The following SNRNP200 variants were observed in gnomAD, a reference collection of about 807,000 sequenced individuals.
SNRNP200 encodes U5 small nuclear ribonucleoprotein 200 kDa helicase.
SNRNP200 carries 66 observed loss-of-function variants against 255.2 expected under a neutral mutation model. The ratio of observed to expected loss-of-function variants is 0.26; its 90% CI spans 0.21 to 0.32. SNRNP200 has a LOEUF of 0.32. Ranked by LOEUF, SNRNP200 falls within the 10% of genes least tolerant of loss-of-function variation. SNRNP200 has a pLI of 1.00. For synonymous variants in SNRNP200, 939 were observed against 1,027.8 expected (o/e 0.91, Z 1.65); for missense variants, 1,585 against 2,749.8 (o/e 0.58, Z 9.47).
At position 96,291,547 on chromosome 2, in the gene SNRNP200, C is replaced by G; in HGVS notation, c.2311-45G>C. 7.3e-7 allele frequency: 1 copy of G among 1,366,278 alleles called. No homozygotes were observed. Among genetic ancestry groups the G allele is most frequent in the Non-Finnish European group, 1.0e-6 (1 of 954,614 alleles). The allele number at this position is 1,366,278 out of a possible 1,614,324, so 84.6% of individuals were successfully genotyped here. A position where few individuals can be genotyped will look rare whatever the true frequency, so the allele number is the denominator to read the frequency against. On this transcript the variant is annotated intron_variant, in intron 17 of 44. Transcript: ENST00000323853. The surrounding 1 kb of genome is among the most constrained non-coding windows in gnomAD (Gnocchi z 4.2). Reference sequence around the variant, plus strand: ...GGATGAGGCGAGCCTTCCTGTAGGACTCATCCAAGGACTAAGGAAATCTCC... The same window carrying G: ...GGATGAGGCGAGCCTTCCTGTAGGAGTCATCCAAGGACTAAGGAAATCTCC...
chr2:96,302,634 C>T (rs910459991), intron 3 of SNRNP200, among the ~76,000 whole-genome samples: 7 of 152,220 alleles, frequency 4.6e-5, no homozygotes, highest in African/African-American at 1.7e-4. Context: ...CTCAGTCGCA[C>T]AAGCCTGCCT....
Position 96,289,822 on chromosome 2 carries a change from C to T in SNRNP200, c.2917G>A (p.Asp973Asn), listed in dbSNP as rs749700142. 6.2e-7 allele frequency: 1 copy of T among 1,614,180 alleles called. No homozygotes were observed. Among genetic ancestry groups the T allele is most frequent in the Admixed American group, 1.7e-5 (1 of 60,032 alleles). The change falls in exon 21 of 45, where the codon GAC becomes AAC. Residue 973 changes from aspartate (D) to asparagine (N), a missense_variant. This residue lies in a region of SNRNP200 where 719 missense variants were observed against 1,091.1 expected (regional missense o/e 0.66). Transcript: ENST00000323853. ...MLDKNNLVKY[D>N]KKTGNFQVTE... ...ACCTGGAAGTTGCCCGTCTTCTTGT[C>T]GTACTTGACCAGATTGTTCTTGTCC...
Position 96,285,265 on chromosome 2 carries a change from G to A in SNRNP200, c.4079C>T (p.Ala1360Val). Residue 1360 changes from alanine to valine, a missense_variant, in exon 30 of 45, where the codon GCA becomes GTA. Physicochemically the swap from Ala to Val is moderately conservative, Grantham distance 64. Coordinates refer to ENST00000323853, the MANE Select transcript of SNRNP200 (RefSeq NM_014014.5). ...APTGSGKTIC[A>V]EFAILRMLLQ... ...CAGCATTCGCAGGATGGCAAACTCT[G>A]CACAAATAGTCTTCCCGCTGCCCGT... The A allele has an allele frequency of 6.2e-7, 1 of 1,614,172 alleles. No homozygotes were observed. Among genetic ancestry groups the A allele is most frequent in the South Asian group, 1.1e-5 (1 of 91,090 alleles).
At chr2:96,280,168 T>C (rs1237450516) in intron 35 of SNRNP200, among the ~76,000 whole-genome samples, 1 of 152,156 alleles carries the variant, frequency 6.6e-6, no homozygotes, top group Non-Finnish European at 1.5e-5. Flanking sequence ...GTAAATAAAA[T>C]TCATTTCAAA....
rs114603011 is a variant in SNRNP200, at chr2:96,285,401, C to G, written c.4004-61G>C. On this transcript the variant is annotated intron_variant, in intron 29 of 44. Coordinates refer to ENST00000323853, the MANE Select transcript of SNRNP200 (RefSeq NM_014014.5). Reference sequence around the variant, plus strand: ...AGAAGGAAGAAGAGACGGACTGGGACATGGATCAATTGTCAAAACAAAGGA... The same window carrying G: ...AGAAGGAAGAAGAGACGGACTGGGAGATGGATCAATTGTCAAAACAAAGGA... The G allele has an allele frequency of 1.2e-3, 1,800 of 1,563,886 alleles. 26 individuals are homozygous for G. In the African/African-American group the frequency reaches 0.022, roughly 19 times the overall value.
Position 96,287,828 on chromosome 2 carries a change from C to T in SNRNP200, c.3365+35G>A, listed in dbSNP as rs1384521093. 1 of 1,584,972 alleles carries T rather than the reference C, an allele frequency of 6.3e-7. No individual in the cohort carries two copies. On this transcript the variant is annotated intron_variant, in intron 25 of 44. Transcript: ENST00000323853. The surrounding 1 kb of genome is among the most constrained non-coding windows in gnomAD (Gnocchi z 5.7). ...GACCCTTGGGTTGGGGACCCCCACT[C>T]ATGGTGACCAGCATCCAGCTCACTG... is the stretch of plus-strand genomic sequence containing the variant.
chr2:96,297,841 A>C (rs534290493), intron 9 of SNRNP200, 121 bp from the exon 10 acceptor site: 48 of 1,025,726 alleles, frequency 4.7e-5, no homozygotes, highest in Admixed American at 1.7e-4. Context: ...GTCGTGAAAC[A>C]GAAAGACAGT....
chr2:96,294,083 T>TA (rs1296376410), intron 14 of SNRNP200, among the ~76,000 whole-genome samples: 1 of 133,172 alleles, frequency 7.5e-6, no homozygotes, highest in African/African-American at 2.9e-5. Flanking sequence ...AGCAAAGCTC[T>TA]AAAGCAGGGA....
intron 43 of SNRNP200, chr2:96,276,684 T>C: frequency 1.6e-6 from 1 of 625,252 alleles, no homozygotes; most frequent in Non-Finnish European, 3.0e-6. Context: ...CCTCCCAAAG[T>C]GCTGGGATTA....
At chr2:96,296,443 G>T in intron 13 of SNRNP200, 93 bp downstream of exon 13, 6 of 1,251,556 alleles carry the variant, frequency 4.8e-6, no homozygotes, top group Non-Finnish European at 6.9e-6. Context: ...TGCCAGAGAT[G>T]CCCTAATACA....
intron 15 of SNRNP200, 53 bp downstream of exon 15, chr2:96,293,263 A>T (rs2063894653): frequency 1.3e-6 from 2 of 1,592,938 alleles, no homozygotes; most frequent in African/African-American, 1.3e-5. Context: ...GGAAAAGAGG[A>T]AAGAGAGCAG....
Position 96,298,388 on chromosome 2 carries a change from T to C in SNRNP200, c.1015A>G (p.Ser339Gly). 6.2e-7 allele frequency: 1 copy of C among 1,614,112 alleles called. No individual in the cohort carries two copies. The highest frequency in any genetic ancestry group is 8.5e-7 in the Non-Finnish European group (1 of 1,180,028). ...LYCTLLASAQ[S>G]EAEKERIMGK... ...ATAATCCTTTCCTTTTCAGCTTCAC[T>C]TTGTGCACTGGCCAGCAAGGTACAG... Residue 339 changes from serine to glycine, a missense_variant, in exon 9 of 45, where the codon AGT becomes GGT. Around this residue, in one of 9 missense-constraint regions of SNRNP200, gnomAD observed 383 missense variants for 645.3 expected, o/e 0.59. Coordinates refer to ENST00000323853, the MANE Select transcript of SNRNP200 (RefSeq NM_014014.5).
In SNRNP200 at chr2:96,286,640, T is replaced by C. The variant is rs1229678966; in HGVS notation, c.3829+48A>G. The C allele has an allele frequency of 6.2e-7, 1 of 1,605,694 alleles. No homozygotes were observed. The highest frequency in any genetic ancestry group is 8.5e-7 in the Non-Finnish European group (1 of 1,174,186). On this transcript the variant is annotated intron_variant, in intron 28 of 44. Transcript: ENST00000323853. The surrounding 1 kb of genome is among the most constrained non-coding windows in gnomAD (Gnocchi z 4.8). Reference sequence around the variant, plus strand: ...GACAAAGTGCAAGACATTCTTCTACTGTCCTTGGAGGGACTGTTCCTGGGG... The same window carrying C: ...GACAAAGTGCAAGACATTCTTCTACCGTCCTTGGAGGGACTGTTCCTGGGG...
intron 31 of SNRNP200, 48 bp from the exon 32 acceptor site, chr2:96,284,052 C>T: frequency 6.5e-7 from 1 of 1,533,426 alleles, no homozygotes; most frequent in South Asian, 1.2e-5. Context: ...AGGCTCCCAT[C>T]CTCTGCCTGG....
In SNRNP200 at chr2:96,290,405, G is replaced by A; in HGVS notation, c.2663C>T (p.Pro888Leu). The change falls in exon 20 of 45, where the codon CCT becomes CTT. Residue 888 changes from proline (P) to leucine (L), a missense_variant. Pro to Leu is a moderately conservative substitution (Grantham distance 98). Around this residue, in one of 9 missense-constraint regions of SNRNP200, gnomAD observed 719 missense variants for 1,091.1 expected, o/e 0.66. Coordinates refer to ENST00000323853, the MANE Select transcript of SNRNP200 (RefSeq NM_014014.5). The surrounding 1 kb of genome is among the most constrained non-coding windows in gnomAD (Gnocchi z 4.5). ...YYLSLLNQQL[P>L]IESQMVSKLP... ...CTTTGAAACCATCTGGCTTTCAATA[G>A]GAAGTTGTTGATTGAGGAGGGACAG... The A allele has an allele frequency of 6.2e-7, 1 of 1,614,192 alleles. No homozygotes were observed. The highest frequency in any genetic ancestry group is 8.5e-7 in the Non-Finnish European group (1 of 1,180,024).
chr2:96,280,244 C>T (rs1273409086), intron 35 of SNRNP200, among the ~76,000 whole-genome samples: 2 of 152,186 alleles, frequency 1.3e-5, no homozygotes, highest in African/African-American at 4.8e-5. Flanking sequence ...CACCTGTAAT[C>T]CCAGCACTTT....
chr2:96,276,420 A>ATTTT (rs34749374), intron 43 of SNRNP200: 12 of 160,690 alleles, frequency 7.5e-5, no homozygotes, highest in East Asian at 1.5e-4. Flanking sequence ...AGTCATCTAA[A>ATTTT]TTTTTTTTTT....
intron 43 of SNRNP200, 32 bp downstream of exon 43, chr2:96,276,872 G>T: frequency 6.2e-7 from 1 of 1,609,870 alleles, no homozygotes; most frequent in South Asian, 1.1e-5. Context: ...AGGGTGAGTT[G>T]ACACCTGACC....
intron 16 of SNRNP200, 122 bp downstream of exon 16, chr2:96,292,849 GC>G: frequency 2.6e-6 from 3 of 1,135,566 alleles, no homozygotes; most frequent in Non-Finnish European, 3.9e-6. Context: ...CCATTTCATA[GC>G]TGATATTGGT....
Sources: gnomAD v4.1 joint callset for allele counts (sites outside exome capture counted in the v4.1 genomes callset) on GRCh38, gnomAD v4.1.1 for gene constraint, gnomAD v4.1.1 regional missense constraint, Gnocchi (gnomAD v3.1) non-coding constraint, MANE v1.5 for transcripts, NCBI Gene and HGNC (gene_info 2026-07-23, HGNC 2026-07-21) for gene names.